MTIF2: variants seen among roughly 807,000 people sequenced by gnomAD.
The protein encoded by MTIF2 is mitochondrial translational initiation factor 2.
A neutral mutation model predicts 83.5 loss-of-function variants in MTIF2; 71 were observed. That is an observed-to-expected ratio of 0.85 (90% CI 0.70 to 1.04). The LOEUF (loss-of-function observed/expected upper bound fraction) is 1.04, where lower values mean the gene tolerates loss of function less well. Ranked by LOEUF, MTIF2 falls within the 50% of genes least tolerant of loss-of-function variation. The pLI, the probability that MTIF2 is intolerant of heterozygous loss-of-function variation, is 0.00. For missense variants in MTIF2, 957 were observed against 846.5 expected (o/e 1.13, Z -1.62); for synonymous variants, 319 against 287.1 (o/e 1.11, Z -1.12).
Position 55,262,333 on chromosome 2 carries a change from G to C in MTIF2, c.314C>G (p.Ala105Gly). Residue 105 changes from alanine to glycine, a missense_variant, in exon 5 of 16, where the codon GCA becomes GGA. By Grantham distance (60) the Ala-to-Gly change is moderately conservative. This residue lies in a region of MTIF2 where 733 missense variants were observed against 648.7 expected (regional missense o/e 1.13). Coordinates refer to ENST00000263629, the MANE Select transcript of MTIF2 (RefSeq NM_002453.3). ...IGMTIEELAR[A>G]MEKNTDYVYE... ...TGACTCACCTGTGTTTTTTTCCATT[G>C]CCCTGGCCAGTTCCTCAATAGTCAT... The C allele has an allele frequency of 6.2e-7, 1 of 1,609,748 alleles. No individual in the cohort carries two copies. The highest frequency in any genetic ancestry group is 8.5e-7 in the Non-Finnish European group (1 of 1,178,174).
chr2:55,265,378 A>G (rs1254091690), intron 3 of MTIF2, among the ~76,000 whole-genome samples: 1 of 151,462 alleles, frequency 6.6e-6, no homozygotes, highest in East Asian at 1.9e-4. Flanking sequence ...CAAACAGTTC[A>G]TTGTCGTTAA....
At chr2:55,264,785 A>C (rs974420021) in intron 3 of MTIF2, among the ~76,000 whole-genome samples, 3 of 152,190 alleles carry the variant, frequency 2.0e-5, no homozygotes, top group Non-Finnish European at 4.4e-5. Flanking sequence ...TATTATTCTT[A>C]GAATAAAAGA....
intron 5 of MTIF2, among the ~76,000 whole-genome samples, chr2:55,260,612 C>T (rs1677895459): frequency 6.6e-6 from 1 of 152,106 alleles, no homozygotes; most frequent in Admixed American, 6.5e-5. Flanking sequence ...AAATATTCCC[C>T]ATATTCCCTA....
chr2:55,260,776 T>C (rs931600271), intron 5 of MTIF2, among the ~76,000 whole-genome samples: 5 of 152,146 alleles, frequency 3.3e-5, no homozygotes, highest in Non-Finnish European at 5.9e-5. Flanking sequence ...ATTCTTTTTT[T>C]CCCCAAGAGT....
intron 5 of MTIF2, among the ~76,000 whole-genome samples, chr2:55,260,375 G>A (rs924911500): frequency 2.0e-5 from 3 of 149,468 alleles, no homozygotes; most frequent in Non-Finnish European, 3.0e-5. Context: ...ACTCTAGCCT[G>A]GTTAACAAGA....
intron 3 of MTIF2, among the ~76,000 whole-genome samples, chr2:55,266,763 CTTTTTTTTTTTTT>C (rs1216777992): frequency 1.2e-5 from 1 of 86,306 alleles, no homozygotes; most frequent in Non-Finnish European, 2.3e-5. Flanking sequence ...ACATTTCATT[CTTTTTTTTTTTTT>C]TTTTTTTTTC....
rs114587493 is a variant in MTIF2, at chr2:55,243,317, T to C, written c.1564+99A>G. Reference sequence around the variant, plus strand: ...GACTAAGAAAAACTCTCCTAAAATATTGAAATAATTTTCATGTAAATGTAA... The same window carrying C: ...GACTAAGAAAAACTCTCCTAAAATACTGAAATAATTTTCATGTAAATGTAA... On this transcript the variant is annotated intron_variant, in intron 12 of 15. Transcript: ENST00000263629. 661 of 1,233,176 alleles carry C rather than the reference T, an allele frequency of 5.4e-4. 1 individual carries two copies. The highest frequency in any genetic ancestry group is 6.8e-4 in the Non-Finnish European group (609 of 899,118). 76.4% of individuals were successfully genotyped at this position (1,233,176 alleles called of 1,614,324 possible).
At chr2:55,237,217 T>C (rs1450293777) in intron 15 of MTIF2, 71 bp downstream of exon 15, 34 of 1,475,092 alleles carry the variant, frequency 2.3e-5, no homozygotes, top group Non-Finnish European at 3.1e-5. Context: ...TGAACAGATT[T>C]CAGATGGTTA....
intron 9 of MTIF2, 66 bp from the exon 10 acceptor site, chr2:55,246,527 G>A: frequency 7.2e-7 from 1 of 1,383,574 alleles, no homozygotes; most frequent in East Asian, 2.3e-5. Flanking sequence ...AAATGCCAGG[G>A]ACAGAAAGTC....
intron 5 of MTIF2, among the ~76,000 whole-genome samples, chr2:55,255,456 TAA>T (rs1466249065): frequency 1.4e-5 from 2 of 145,774 alleles, no homozygotes; most frequent in East Asian, 2.0e-4. Context: ...TATATATATA[TAA>T]ATCAAATATG....
At chr2:55,243,973 C>G in intron 11 of MTIF2, 56 bp downstream of exon 11, 11 of 1,362,126 alleles carry the variant, frequency 8.1e-6, no homozygotes, top group Non-Finnish European at 1.1e-5. Context: ...ACATTGTAAA[C>G]TGGCATTTAA....
intron 5 of MTIF2, 105 bp downstream of exon 5, chr2:55,262,211 G>A: frequency 1.3e-6 from 1 of 776,760 alleles, no homozygotes; most frequent in Non-Finnish European, 2.2e-6. Context: ...TATTTTTTAA[G>A]TGCCAGTCTA....
At position 55,243,777 on chromosome 2, in the gene MTIF2, C is replaced by A; in HGVS notation, c.1312-109G>T. 4 of 1,178,390 alleles carry A rather than the reference C, an allele frequency of 3.4e-6. No individual in the cohort carries two copies. The South Asian group carries it at 6.5e-5, about 19-fold the overall frequency. The allele number at this position is 1,178,390 out of a possible 1,614,324, so 73.0% of individuals were successfully genotyped here. On this transcript the variant is annotated intron_variant, in intron 11 of 15. Transcript: ENST00000263629. ...AAATTAGCTTAACTCATGTATGAAA[C>A]TACTACTTTTATAAGTTTCAAGAAA... is the stretch of plus-strand genomic sequence containing the variant.
At chr2:55,254,323 A>G (rs1220789152) in intron 6 of MTIF2, 122 bp from the exon 7 acceptor site, 1 of 1,108,676 alleles carries the variant, frequency 9.0e-7, no homozygotes. Context: ...TTCAGTGTGG[A>G]TTAGACCTAT....
At chr2:55,246,610 A>T (rs2104347891) in intron 9 of MTIF2, 149 bp from the exon 10 acceptor site, 1 of 680,530 alleles carries the variant, frequency 1.5e-6, no homozygotes, top group East Asian at 2.9e-5. Context: ...TTTAACAAAG[A>T]AAGGGAGGGA....
rs574940061 is a variant in MTIF2 at position 55,255,906 on chromosome 2, C to T, written c.332-1081G>A. 9.2e-5 allele frequency among the ~76,000 whole-genome samples: 14 copies of T among 151,492 alleles called. No individual in the cohort carries two copies. In the East Asian group the frequency reaches 1.7e-3, roughly 19 times the overall value. On this transcript the variant is annotated intron_variant, in intron 5 of 15. Transcript: ENST00000263629. ...TCTCTTTTTTTTTGGGACAGAGTTTCGCTTTTGTTACCCAGGCTGAAGTGC... is the reference window on the plus strand; with the variant it reads ...TCTCTTTTTTTTTGGGACAGAGTTTTGCTTTTGTTACCCAGGCTGAAGTGC...
At chr2:55,261,569 T>C (rs1558579879) in intron 5 of MTIF2, among the ~76,000 whole-genome samples, 1 of 151,970 alleles carries the variant, frequency 6.6e-6, no homozygotes, top group Non-Finnish European at 1.5e-5. Flanking sequence ...ATCGTGCCAC[T>C]GCACTCCAGC....
Position 55,240,074 on chromosome 2 carries a change from C to T in MTIF2, c.1807G>A (p.Val603Ile). 1 of 1,613,746 alleles carries T rather than the reference C, an allele frequency of 6.2e-7. No individual in the cohort carries two copies. The highest frequency in any genetic ancestry group is 8.5e-7 in the Non-Finnish European group (1 of 1,180,014). Reference protein sequence around the residue: ...IKLHKIIYRLVEDLQEELSSR... With the variant: ...IKLHKIIYRLIEDLQEELSSR... ...CTCAGTTCCTCTTGCAAATCTTCAA[C>T]AAGACGGTAAATTATTTTGTGAAGT... The change falls in exon 14 of 16, where the codon GTT (valine) becomes ATT (isoleucine). Residue 603 changes from valine (V) to isoleucine (I), a missense_variant. Physicochemically the swap from Val to Ile is conservative, Grantham distance 29 (BLOSUM62 3). Coordinates refer to ENST00000263629, the MANE Select transcript of MTIF2 (RefSeq NM_002453.3).
At chr2:55,239,988 AG>A in intron 14 of MTIF2, 22 bp downstream of exon 14, 1 of 1,580,154 alleles carries the variant, frequency 6.3e-7, no homozygotes, top group Non-Finnish European at 8.6e-7. Context: ...AATTTTTAAA[AG>A]TAACATTCAG....
Sources: allele counts gnomAD v4.1 joint callset (sites outside exome capture counted in the v4.1 genomes callset), GRCh38; gene constraint gnomAD v4.1.1; regional missense constraint gnomAD v4.1.1; transcripts MANE v1.5; gene names NCBI Gene and HGNC (gene_info 2026-07-23, HGNC 2026-07-21).